AOPEP: variants seen among roughly 807,000 people sequenced by gnomAD.
The protein encoded by AOPEP is aminopeptidase O (putative), also known as aminopeptidase O.
Under a neutral mutation model 98.1 loss-of-function variants are expected in AOPEP, and 77 were observed. That is an observed-to-expected ratio of 0.78 (90% confidence interval 0.65 to 0.95). The LOEUF is 0.95. Ranked by LOEUF, AOPEP falls within the 40% of genes least tolerant of loss-of-function variation. The pLI, the probability that AOPEP is intolerant of heterozygous loss-of-function variation, is 0.00. For synonymous variants in AOPEP, 346 were observed against 365.3 expected (o/e 0.95, Z 0.60); for missense variants, 1,024 against 1,024.7 (o/e 1.00, Z 0.01).
chr9:95,069,809 T>TCG (rs2068295158), intron 14 of AOPEP, among the ~76,000 whole-genome samples: 1 of 152,234 alleles, frequency 6.6e-6, no homozygotes, highest in East Asian at 1.9e-4. Flanking sequence ...TTGCTGCTGC[T>TCG]TTAGCTCTAA....
At position 94,981,529 on chromosome 9, in the gene AOPEP, G is replaced by A. The variant is rs542436066; in HGVS notation, c.1977+2102G>A. On this transcript the variant is annotated intron_variant, in intron 11 of 16. Coordinates refer to ENST00000375315, the MANE Select transcript of AOPEP (RefSeq NM_001193329.3). ...GTGGGTGATCAGATGGTGTCTTTGCGTCTCTTCTACCCATTTCGGCCATGA... is the reference window on the plus strand; with the variant it reads ...GTGGGTGATCAGATGGTGTCTTTGCATCTCTTCTACCCATTTCGGCCATGA... Among the ~76,000 whole-genome samples, 5 of 152,234 alleles carry A rather than the reference G, an allele frequency of 3.3e-5. No homozygotes were observed. The South Asian group carries it at 8.3e-4, about 25-fold the overall frequency.
the AOPEP span, chr9:95,126,643 A>G: frequency 1.4e-5 from 21 of 1,549,166 alleles, no homozygotes; most frequent in Non-Finnish European, 1.6e-5. Flanking sequence ...GAAACTTGCT[A>G]TTATCAGCCA....
At chr9:94,800,276 G>A (rs1847924314) in intron 4 of AOPEP, among the ~76,000 whole-genome samples, 1 of 152,150 alleles carries the variant, frequency 6.6e-6, no homozygotes, top group Non-Finnish European at 1.5e-5. Context: ...TTTGGTTCAT[G>A]GTTCTCCCTC....
chr9:94,791,398 T>C (rs1364707288), intron 3 of AOPEP, among the ~76,000 whole-genome samples: 2 of 151,828 alleles, frequency 1.3e-5, no homozygotes, highest in African/African-American at 2.4e-5. Flanking sequence ...CTGGGCACAG[T>C]AGCTCAAGCC....
At chr9:95,087,482 CAAAAAAAAAAAAAA>C (rs746666179), downstream of AOPEP, among the ~76,000 whole-genome samples, 2 of 37,434 alleles carry the variant, frequency 5.3e-5, no homozygotes, top group African/African-American at 1.1e-4. Context: ...GACTCCATCT[CAAAAAAAAAAAAAA>C]AAAAAAAAAA....
intron 2 of AOPEP, among the ~76,000 whole-genome samples, chr9:94,767,887 A>G (rs1839979664): frequency 6.6e-6 from 1 of 152,202 alleles, no homozygotes; most frequent in Non-Finnish European, 1.5e-5. Flanking sequence ...GGAAGTAGAA[A>G]AGTAGAATAA....
At chr9:94,829,811 G>A (rs1855548523) in intron 5 of AOPEP, among the ~76,000 whole-genome samples, 2 of 152,088 alleles carry the variant, frequency 1.3e-5, no homozygotes. Context: ...CTTGACTCTA[G>A]CTCTCTTGGC....
intron 13 of AOPEP, among the ~76,000 whole-genome samples, chr9:95,034,901 G>A (rs1187597074): frequency 6.6e-6 from 1 of 152,126 alleles, no homozygotes; most frequent in African/African-American, 2.4e-5. Flanking sequence ...ATGAACTTGG[G>A]AGAGAAGTGG....
intron 5 of AOPEP, among the ~76,000 whole-genome samples, chr9:94,873,332 C>T (rs901673513): frequency 6.6e-6 from 1 of 152,114 alleles, no homozygotes; most frequent in East Asian, 1.9e-4. Flanking sequence ...TCAAAGACTA[C>T]GAAAGACAGT....
At chr9:94,902,433 C>A (rs547223748) in intron 5 of AOPEP, among the ~76,000 whole-genome samples, 50 of 152,218 alleles carry the variant, frequency 3.3e-4, no homozygotes, top group South Asian at 6.2e-4. Flanking sequence ...CAATACCACA[C>A]CCCCTCTGAG....
At chr9:94,737,014 T>C (rs750791569) in intron 1 of AOPEP, among the ~76,000 whole-genome samples, 3 of 152,250 alleles carry the variant, frequency 2.0e-5, no homozygotes, top group Non-Finnish European at 1.5e-5. Context: ...AGAAATCTTA[T>C]TCTTCCTTTG....
chr9:95,102,463 G>A, the AOPEP span, among the ~76,000 whole-genome samples: 1 of 152,208 alleles, frequency 6.6e-6, no homozygotes. Flanking sequence ...AAAGGGAAGG[G>A]TGAGAATCTT....
In AOPEP at chr9:94,812,376, C is replaced by T. The variant is rs573232068; in HGVS notation, c.1364+11374C>T. Among the ~76,000 whole-genome samples, 5 of 152,234 alleles carry T rather than the reference C, an allele frequency of 3.3e-5. No homozygotes were observed. The South Asian group carries it at 1.0e-3, about 32-fold the overall frequency. ...TAAGAGGAAGACCAGTGCTTGCCAACCTGTCCTCCCCAGAATCCGGAAGTC... is the reference window on the plus strand; with the variant it reads ...TAAGAGGAAGACCAGTGCTTGCCAATCTGTCCTCCCCAGAATCCGGAAGTC... On this transcript the variant is annotated intron_variant, in intron 5 of 16. Transcript: ENST00000375315.
At chr9:94,922,853 T>C (rs1043257923) in intron 5 of AOPEP, among the ~76,000 whole-genome samples, 1 of 152,216 alleles carries the variant, frequency 6.6e-6, no homozygotes, top group Non-Finnish European at 1.5e-5. Flanking sequence ...ATGATTGCAG[T>C]TGAGCTCTCT....
intron 11 of AOPEP, among the ~76,000 whole-genome samples, chr9:94,992,528 A>T (rs1190687113): frequency 6.6e-6 from 1 of 152,202 alleles, no homozygotes; most frequent in Non-Finnish European, 1.5e-5. Flanking sequence ...GTTATGTCCA[A>T]ATCCATGTTT....
At chr9:94,754,940 C>T (rs1191272858) in intron 1 of AOPEP, among the ~76,000 whole-genome samples, 1 of 152,174 alleles carries the variant, frequency 6.6e-6, no homozygotes, top group African/African-American at 2.4e-5. Flanking sequence ...GCAGTTTCTT[C>T]TTTGTGCCAT....
rs781733115 is a variant in AOPEP, at chr9:95,005,141, G to A, written c.1978-17G>A. The A allele has an allele frequency of 8.8e-7, 1 of 1,135,926 alleles. No individual in the cohort carries two copies. Among genetic ancestry groups the A allele is most frequent in the Non-Finnish European group, 1.1e-6 (1 of 924,278 alleles). 70.4% of individuals were successfully genotyped at this position (1,135,926 alleles called of 1,614,324 possible). A position where few individuals can be genotyped will look rare whatever the true frequency, so the allele number is the denominator to read the frequency against. On this transcript the variant is annotated splice_polypyrimidine_tract_variant and intron_variant, in intron 11 of 16. Coordinates refer to ENST00000375315, the MANE Select transcript of AOPEP (RefSeq NM_001193329.3). ...CCGCTCCCGCGGTAAACTTGACTGT[G>A]TCCTCTTCCCCCGCAGCCGCTGCAG...
At chr9:94,793,376 A>G (rs1230388118) in intron 4 of AOPEP, among the ~76,000 whole-genome samples, 1 of 144,902 alleles carries the variant, frequency 6.9e-6, no homozygotes, top group East Asian at 2.1e-4. Flanking sequence ...AACAAAACAA[A>G]ACAAAGAAGA....
chr9:94,827,022 C>G (rs1295200815), intron 5 of AOPEP, among the ~76,000 whole-genome samples: 1 of 152,202 alleles, frequency 6.6e-6, no homozygotes, highest in Non-Finnish European at 1.5e-5. Flanking sequence ...TAGATCTTGT[C>G]TACCAATGCA....
Sources: allele counts gnomAD v4.1 joint callset (sites outside exome capture counted in the v4.1 genomes callset), GRCh38; gene constraint gnomAD v4.1.1; transcripts MANE v1.5; gene names NCBI Gene and HGNC (gene_info 2026-07-23, HGNC 2026-07-21).